Variants in USH2A observed in about 807,000 individuals in gnomAD.
USH2A encodes usherin, also known as Usher syndrome 2A (autosomal recessive, mild).
In USH2A, 443 loss-of-function variants were observed where a neutral mutation model predicts 538.9. The ratio of observed to expected loss-of-function variants is 0.82; its 90% CI spans 0.76 to 0.89. The LOEUF (loss-of-function observed/expected upper bound fraction) is 0.89. Ranked by LOEUF, USH2A falls within the 40% of genes least tolerant of loss-of-function variation. The probability of loss-of-function intolerance (pLI) is 0.00; values close to 1 mark genes in which losing one functional copy is unlikely to be tolerated. For synonymous variants in USH2A, 2,413 were observed against 2,273.5 expected, an observed-to-expected ratio of 1.06 and a Z score of -1.75; for missense variants, 6,633 against 6,324.8, an observed-to-expected ratio of 1.05 and a Z score of -1.65.
At chr1:215,795,586 TA>T (rs964623270) in intron 50 of USH2A, among the ~76,000 whole-genome samples, 1 of 152,192 alleles carries the variant, frequency 6.6e-6, no homozygotes, top group African/African-American at 2.4e-5. Context: ...ACAAACACAC[TA>T]AAATCAAATA....
intron 64 of USH2A, among the ~76,000 whole-genome samples, chr1:215,662,189 G>T (rs981072309): frequency 6.6e-6 from 1 of 152,122 alleles, no homozygotes; most frequent in African/African-American, 2.4e-5. Context: ...CTAAGTTTTA[G>T]GTGACTTTGG....
intron 37 of USH2A, among the ~76,000 whole-genome samples, chr1:215,958,677 TACC>T (rs1667128007): frequency 1.3e-5 from 2 of 152,072 alleles, no homozygotes; most frequent in African/African-American, 4.8e-5. Context: ...TTCCAGATGT[TACC>T]ACTGCAGTAA....
At chr1:216,129,634 A>G (rs113968454) in intron 21 of USH2A, among the ~76,000 whole-genome samples, 2,089 of 152,224 alleles carry the variant, frequency 0.014, 48 homozygotes, top group African/African-American at 0.046. Flanking sequence ...CATACTACCC[A>G]AAGTAATTTA....
rs552667855 is a variant in USH2A at position 216,032,706 on chromosome 1, A to T, written c.6325+13725T>A. ...CAGAGAGATTTGAAGCATGAGGGGG[A>T]CTGGATATCCTCCATCATTGAGATG... On this transcript the variant is annotated intron_variant, in intron 32 of 71. Coordinates refer to ENST00000307340, the MANE Select transcript of USH2A (RefSeq NM_206933.4). Among the ~76,000 whole-genome samples, 16 of 152,148 alleles carry T rather than the reference A, an allele frequency of 1.1e-4. 1 individual carries two copies. The South Asian group carries it at 3.3e-3, about 32-fold the overall frequency.
chr1:215,944,460 G>T (rs564607288), intron 37 of USH2A, among the ~76,000 whole-genome samples: 1 of 152,090 alleles, frequency 6.6e-6, no homozygotes, highest in Non-Finnish European at 1.5e-5. Context: ...AACAAAGCAC[G>T]TGGAAAGAAT....
chr1:216,050,574 T>TCC (rs2030727345), intron 30 of USH2A, among the ~76,000 whole-genome samples: 1 of 46,072 alleles, frequency 2.2e-5, no homozygotes, highest in African/African-American at 7.8e-5. Context: ...CTTTCTTTCT[T>TCC]TCTTTCTTTC....
intron 16 of USH2A, 27 bp from the exon 17 acceptor site, chr1:216,200,148 A>C: frequency 6.3e-7 from 1 of 1,592,778 alleles, no homozygotes; most frequent in East Asian, 2.2e-5. Context: ...AAAAAAAAAC[A>C]AAGTTACATT....
chr1:216,347,494 C>A (rs768747423), intron 4 of USH2A, among the ~76,000 whole-genome samples: 9 of 152,076 alleles, frequency 5.9e-5, no homozygotes, highest in Non-Finnish European at 1.0e-4. Flanking sequence ...GGCCTAAAGT[C>A]CAAAATGGCA....
intron 4 of USH2A, among the ~76,000 whole-genome samples, chr1:216,339,502 GA>G (rs960798243): frequency 4.0e-5 from 6 of 151,620 alleles, no homozygotes; most frequent in African/African-American, 1.5e-4. Flanking sequence ...GGTTGTTGAT[GA>G]ATTTTTTTGT....
chr1:216,302,296 T>G (rs1348832022), intron 9 of USH2A, among the ~76,000 whole-genome samples: 1 of 152,206 alleles, frequency 6.6e-6, no homozygotes, highest in African/African-American at 2.4e-5. Context: ...TACAGGACTG[T>G]ACTTTAATGT....
intron 50 of USH2A, among the ~76,000 whole-genome samples, chr1:215,793,512 A>G (rs950465607): frequency 1.3e-5 from 2 of 152,194 alleles, no homozygotes; most frequent in African/African-American, 4.8e-5. Flanking sequence ...GGGTAGAGTA[A>G]AAATGCTCCC....
intron 11 of USH2A, among the ~76,000 whole-genome samples, chr1:216,274,531 G>T (rs1401931198): frequency 1.3e-5 from 2 of 151,996 alleles, no homozygotes; most frequent in Non-Finnish European, 2.9e-5. Flanking sequence ...ATCTAGAGAA[G>T]AAAAGTCCAC....
At chr1:216,222,354 A>G (rs906801316) in intron 14 of USH2A, among the ~76,000 whole-genome samples, 21 of 152,184 alleles carry the variant, frequency 1.4e-4, no homozygotes, top group Admixed American at 6.5e-5. Flanking sequence ...ATAAAACTCT[A>G]TTTACATAAA....
At chr1:216,416,170 A>G (rs570316256) in intron 3 of USH2A, among the ~76,000 whole-genome samples, 1 of 152,292 alleles carries the variant, frequency 6.6e-6, no homozygotes, top group African/African-American at 2.4e-5. Flanking sequence ...CTGTCTCAAA[A>G]AAAAATCTAT....
intron 47 of USH2A, among the ~76,000 whole-genome samples, chr1:215,836,536 A>G (rs1663525802): frequency 4.2e-5 from 1 of 24,010 alleles, no homozygotes; most frequent in Non-Finnish European, 7.0e-5. Flanking sequence ...TTATATATAT[A>G]TATATAATAT....
Position 215,674,759 on chromosome 1 carries a change from T to C in USH2A, c.13152A>G (p.Gly4384=). Residue 4384 remains glycine (G), a synonymous_variant, in exon 63 of 72, where the codon GGA becomes GGG. Transcript: ENST00000307340. ...ATCTAACTAAATATTTAGTAATCTTTCCATTTTGCACTGTGGGCGGTGACC... is the reference window on the plus strand; with the variant it reads ...ATCTAACTAAATATTTAGTAATCTTCCCATTTTGCACTGTGGGCGGTGACC... ...VCWSPPTVQN[G]KITKYLVRYD... The C allele has an allele frequency of 6.2e-7, 1 of 1,614,134 alleles. No individual in the cohort carries two copies. Among genetic ancestry groups the C allele is most frequent in the Non-Finnish European group, 8.5e-7 (1 of 1,180,040 alleles).
chr1:216,068,012 C>T (rs1423687840), intron 30 of USH2A, among the ~76,000 whole-genome samples: 1 of 152,172 alleles, frequency 6.6e-6, no homozygotes, highest in Non-Finnish European at 1.5e-5. Context: ...GCAAAGGACA[C>T]TGAGAACAGG....
intron 38 of USH2A, among the ~76,000 whole-genome samples, chr1:215,902,047 T>C (rs902939902): frequency 6.6e-6 from 1 of 152,194 alleles, no homozygotes; most frequent in Non-Finnish European, 1.5e-5. Context: ...ATTATTACAT[T>C]GGACTGACCT....
At chr1:215,862,478 G>T (rs1664345228) in intron 44 of USH2A, among the ~76,000 whole-genome samples, 2 of 152,088 alleles carry the variant, frequency 1.3e-5, no homozygotes, top group African/African-American at 4.8e-5. Context: ...ACGAGTTAAT[G>T]GGTGCAGCAC....
Sources: gnomAD v4.1 joint callset for allele counts (sites outside exome capture counted in the v4.1 genomes callset) on GRCh38, gnomAD v4.1.1 for gene constraint, MANE v1.5 for transcripts, NCBI Gene and HGNC (gene_info 2026-07-23, HGNC 2026-07-21) for gene names.